Variants in REPS2 observed in about 807,000 individuals in gnomAD.
REPS2 encodes the protein RALBP1 associated Eps domain containing 2.
A neutral mutation model predicts 53.6 loss-of-function variants in REPS2; 23 were observed. The observed-to-expected ratio is 0.43, with a 90% CI of 0.31 to 0.61. The LOEUF (loss-of-function observed/expected upper bound fraction) is 0.61. REPS2 is among the 20% of genes least tolerant of loss of function. REPS2 has a pLI of 0.11. For synonymous variants in REPS2, 238 were observed against 218.6 expected (o/e 1.09, Z -0.78); for missense variants, 446 against 534.9 (o/e 0.83, Z 1.64).
At chrX:17,062,902 C>T (rs1214092403) in intron 9 of REPS2, among the ~76,000 whole-genome samples, 3 of 111,982 alleles carry the variant, frequency 2.7e-5, no homozygotes, top group Non-Finnish European at 5.6e-5. Flanking sequence ...CTATTTTTAT[C>T]AGTTGGGCAT....
At chrX:17,169,031 A>G in the REPS2 span, among the ~76,000 whole-genome samples, 15 of 112,168 alleles carry the variant, frequency 1.3e-4, no homozygotes, top group Admixed American at 1.0e-3. Flanking sequence ...GCAAGCCAGG[A>G]CTAGCCTGCT....
At chrX:17,132,124 A>G (rs2063300707) in intron 14 of REPS2, among the ~76,000 whole-genome samples, 1 of 112,038 alleles carries the variant, frequency 8.9e-6, no homozygotes, top group Non-Finnish European at 1.9e-5. Flanking sequence ...GAGGGTTGAC[A>G]TTTCACATTC....
At chrX:17,107,344 G>C (rs2062888156) in intron 14 of REPS2, among the ~76,000 whole-genome samples, 1 of 112,085 alleles carries the variant, frequency 8.9e-6, no homozygotes, top group South Asian at 3.7e-4. Flanking sequence ...AGTTTTGGAA[G>C]TTCTCTTGTG....
intron 14 of REPS2, among the ~76,000 whole-genome samples, chrX:17,110,222 C>T (rs2062941068): frequency 9.1e-6 from 1 of 109,800 alleles, no homozygotes; most frequent in African/African-American, 3.3e-5. Context: ...TTAATACATA[C>T]TAAATCAATT....
intron 14 of REPS2, among the ~76,000 whole-genome samples, chrX:17,117,076 A>G (rs1055158702): frequency 4.5e-5 from 5 of 111,156 alleles, no homozygotes; most frequent in African/African-American, 1.6e-4. Flanking sequence ...ATGGCACCCA[A>G]TGGTGCTTAG....
chrX:16,977,109 A>C (rs2060964686), intron 1 of REPS2, among the ~76,000 whole-genome samples: 1 of 111,863 alleles, frequency 8.9e-6, no homozygotes, highest in Non-Finnish European at 1.9e-5. Flanking sequence ...CCTAGAGGCA[A>C]GAGGTCTTTT....
At chrX:17,099,011 A>G (rs181639578) in intron 13 of REPS2, among the ~76,000 whole-genome samples, 1 of 111,517 alleles carries the variant, frequency 9.0e-6, no homozygotes, top group East Asian at 2.8e-4. Context: ...CCAATAAAAG[A>G]CCTTCCTTCC....
chrX:16,972,301 T>C (rs1217365091), intron 1 of REPS2, among the ~76,000 whole-genome samples: 1 of 112,448 alleles, frequency 8.9e-6, no homozygotes, highest in East Asian at 2.8e-4. Flanking sequence ...TGGACAGATA[T>C]TCAGTTCTAA....
intron 1 of REPS2, among the ~76,000 whole-genome samples, chrX:16,980,260 C>T (rs1172397596): frequency 2.8e-5 from 3 of 109,004 alleles, no homozygotes; most frequent in Non-Finnish European, 5.7e-5. Context: ...AGGCACATGC[C>T]ACCACGGCCC....
rs2060480547 is a variant in REPS2 at position 16,949,498 on chromosome X, C to T, written c.273+2364C>T. On this transcript the variant is annotated intron_variant, in intron 1 of 17. Coordinates refer to ENST00000357277, the MANE Select transcript of REPS2 (RefSeq NM_004726.3). ...TCTTGGCTCACTGCAACCTCTGCCT[C>T]CCGGGTTCAAGCGATTCTTCCGCCT... 3.6e-5 allele frequency among the ~76,000 whole-genome samples: 4 copies of T among 112,335 alleles called. No individual in the cohort carries two copies. The South Asian group carries it at 1.5e-3, about 41-fold the overall frequency.
chrX:17,176,361 G>C, the REPS2 span, among the ~76,000 whole-genome samples: 16,154 of 110,867 alleles, frequency 0.15, 921 homozygotes, highest in African/African-American at 0.19. Flanking sequence ...GATGGCTTCC[G>C]AAGCTAACTA....
downstream of REPS2, among the ~76,000 whole-genome samples, chrX:17,154,475 T>C (rs1308873758): frequency 8.9e-6 from 1 of 111,949 alleles, no homozygotes; most frequent in Non-Finnish European, 1.9e-5. Flanking sequence ...TGCTATGTTG[T>C]ATAAGGGTAG....
At chrX:16,951,415 C>T (rs779471466) in intron 1 of REPS2, among the ~76,000 whole-genome samples, 1 of 109,626 alleles carries the variant, frequency 9.1e-6, no homozygotes, top group African/African-American at 3.3e-5. Flanking sequence ...GCCTATAAAT[C>T]CCAGCACTTT....
chrX:17,143,886 T>A (rs998874773), intron 17 of REPS2, among the ~76,000 whole-genome samples: 1 of 112,123 alleles, frequency 8.9e-6, no homozygotes, highest in Non-Finnish European at 1.9e-5. Flanking sequence ...TAGTTTGTGT[T>A]TGTTGTGTTG....
At chrX:16,995,820 G>C (rs919139799) in intron 1 of REPS2, among the ~76,000 whole-genome samples, 1 of 111,906 alleles carries the variant, frequency 8.9e-6, no homozygotes, top group South Asian at 3.7e-4. Flanking sequence ...CTTCCACCCT[G>C]TTCATAACTG....
chrX:16,965,011 C>G (rs1489817156), intron 1 of REPS2, among the ~76,000 whole-genome samples: 1 of 86,055 alleles, frequency 1.2e-5, no homozygotes, highest in African/African-American at 4.5e-5. Flanking sequence ...CCCCTCACCT[C>G]CCGGACGGGG....
intron 1 of REPS2, among the ~76,000 whole-genome samples, chrX:16,994,367 ATATACATATATATACACACACG>A (rs1402623870): frequency 3.8e-5 from 3 of 78,406 alleles, no homozygotes; most frequent in African/African-American, 1.7e-4. Flanking sequence ...ACGTACATAT[ATATACATATATATACACACACG>A]TACATATATA....
Position 16,975,564 on chromosome X carries a change from T to C in REPS2, c.273+28430T>C, listed in dbSNP as rs181744457. On this transcript the variant is annotated intron_variant, in intron 1 of 17. Transcript: ENST00000357277. ...ATGCATTTTTGTCTGGAATACTGCA[T>C]AAGTGACATGTCCTTCTCAGGCAAT... is the stretch of plus-strand genomic sequence containing the variant. Among the ~76,000 whole-genome samples, 18 of 111,843 alleles carry C rather than the reference T, an allele frequency of 1.6e-4. No individual in the cohort carries two copies. The East Asian group carries it at 5.1e-3, about 32-fold the overall frequency.
chrX:17,099,813 C>T lies in REPS2; in HGVS notation c.1517-3905C>T. The T allele has an allele frequency of 7.0e-6, 4 of 570,906 alleles. 1 individual carries two copies. The allele number at this position is 570,906 out of a possible 1,213,427, so 47.0% of individuals were successfully genotyped here. A position where few individuals can be genotyped will look rare whatever the true frequency, so the allele number is the denominator to read the frequency against. On this transcript the variant is annotated intron_variant, in intron 13 of 17. Coordinates refer to ENST00000357277, the MANE Select transcript of REPS2 (RefSeq NM_004726.3). ...ATCATCCTCTTTGGGGTAGGAATGC[C>T]ACGTCAGCCTTTCCTCATAGAAGGA... is the stretch of plus-strand genomic sequence containing the variant.
Sources: allele counts gnomAD v4.1 joint callset (sites outside exome capture counted in the v4.1 genomes callset), GRCh38; gene constraint gnomAD v4.1.1; transcripts MANE v1.5; gene names NCBI Gene and HGNC (gene_info 2026-07-23, HGNC 2026-07-21).